The following TDRD3 variants were observed in gnomAD, a reference collection of about 807,000 sequenced individuals.
TDRD3 encodes the protein tudor domain containing 3.
Under a neutral mutation model 86.7 loss-of-function variants are expected in TDRD3, and 45 were observed. The ratio of observed to expected loss-of-function variants is 0.52; its 90% CI spans 0.41 to 0.67. TDRD3 has a LOEUF of 0.67. TDRD3 is among the 30% of genes least tolerant of loss of function. The probability of loss-of-function intolerance (pLI) is 0.00; values close to 1 mark genes in which losing one functional copy is unlikely to be tolerated. For synonymous variants in TDRD3, 298 were observed against 301.7 expected (o/e 0.99, Z 0.13); for missense variants, 814 against 889.0 (o/e 0.92, Z 1.07).
chr13:60,470,151 T>A (rs1168737285), intron 5 of TDRD3, among the ~76,000 whole-genome samples: 1 of 152,254 alleles, frequency 6.6e-6, no homozygotes, highest in Non-Finnish European at 1.5e-5. Flanking sequence ...TTTTTGTGCC[T>A]GACTTATTTC....
intron 1 of TDRD3, among the ~76,000 whole-genome samples, chr13:60,411,818 T>C (rs1334862223): frequency 6.6e-6 from 1 of 152,204 alleles, no homozygotes; most frequent in Non-Finnish European, 1.5e-5. Flanking sequence ...TTTAGTAAGA[T>C]TCTTATTAAA....
At chr13:60,502,100 A>T (rs1956847560) in intron 8 of TDRD3, among the ~76,000 whole-genome samples, 3 of 152,154 alleles carry the variant, frequency 2.0e-5, no homozygotes, top group African/African-American at 7.2e-5. Flanking sequence ...AAGATACAGA[A>T]TTTCCTTTTG....
In TDRD3 at chr13:60,498,460, A is replaced by C. The variant is rs150253060; in HGVS notation, c.858+3885A>C. Among the ~76,000 whole-genome samples the C allele has an allele frequency of 3.0e-3, 454 of 152,240 alleles. 1 individual carries two copies. The highest frequency in any genetic ancestry group is 0.01 in the African/African-American group (434 of 41,566). ...AATCAGAATATTCTGACTTGTGTAG[A>C]GCTCTGGCATTGGCTAATTAATCAT... On this transcript the variant is annotated intron_variant, in intron 8 of 13. Coordinates refer to ENST00000377881, the MANE Select transcript of TDRD3 (RefSeq NM_001146070.2).
intron 12 of TDRD3, among the ~76,000 whole-genome samples, chr13:60,551,430 T>G (rs1263959864): frequency 1.3e-5 from 2 of 152,198 alleles, no homozygotes; most frequent in Non-Finnish European, 2.9e-5. Flanking sequence ...TTTAAGGCTT[T>G]GGAAAGAACA....
chr13:60,521,197 G>A (rs941386635), intron 10 of TDRD3, among the ~76,000 whole-genome samples: 9 of 152,166 alleles, frequency 5.9e-5, no homozygotes, highest in Non-Finnish European at 1.3e-4. Flanking sequence ...AGAAGTAAAA[G>A]TAAAGGAGTA....
chr13:60,446,324 T>C (rs1295602969), intron 3 of TDRD3, among the ~76,000 whole-genome samples: 1 of 151,954 alleles, frequency 6.6e-6, no homozygotes, highest in Non-Finnish European at 1.5e-5. Context: ...CTGGGTTCAG[T>C]TGATTCTCCT....
intron 4 of TDRD3, among the ~76,000 whole-genome samples, chr13:60,461,420 T>C (rs1457986025): frequency 6.6e-6 from 1 of 152,168 alleles, no homozygotes; most frequent in Non-Finnish European, 1.5e-5. Flanking sequence ...AGGGAAATTG[T>C]CCCCTCTATT....
chr13:60,426,641 C>T (rs1954818471), intron 1 of TDRD3, among the ~76,000 whole-genome samples: 1 of 151,912 alleles, frequency 6.6e-6, no homozygotes, highest in African/African-American at 2.4e-5. Context: ...CCAAAGTTGC[C>T]CCCATTAGAG....
At chr13:60,516,418 A>C (rs1408288172) in intron 10 of TDRD3, among the ~76,000 whole-genome samples, 2 of 152,194 alleles carry the variant, frequency 1.3e-5, no homozygotes, top group Non-Finnish European at 2.9e-5. Flanking sequence ...TTATATCTTT[A>C]AATTGGAATA....
In TDRD3 at chr13:60,397,341, C is replaced by A; in HGVS notation, c.-24C>A. On this transcript the variant is annotated 5_prime_UTR_variant, in exon 1 of 14. Coordinates refer to ENST00000377881, the MANE Select transcript of TDRD3 (RefSeq NM_001146070.2). ...CCATCACCCCCACCCCAGCCCCCCA[C>A]CACCCCCGGCCTAAGCAGCTACCAT... 3 of 1,459,024 alleles carry A rather than the reference C, an allele frequency of 2.1e-6. No homozygotes were observed. The highest frequency in any genetic ancestry group is 9.1e-7 in the Non-Finnish European group (1 of 1,100,910). The allele number at this position is 1,459,024 out of a possible 1,614,324, so 90.4% of individuals were successfully genotyped here.
At chr13:60,416,844 TCTC>T (rs1373042144) in intron 1 of TDRD3, among the ~76,000 whole-genome samples, 2 of 152,122 alleles carry the variant, frequency 1.3e-5, no homozygotes, top group African/African-American at 4.8e-5. Flanking sequence ...CTAACACTGT[TCTC>T]CTCATCTTGT....
At chr13:60,536,350 G>A (rs981743271) in intron 12 of TDRD3, 8 of 151,866 alleles carry the variant, frequency 5.3e-5, no homozygotes, top group Non-Finnish European at 8.8e-5. Flanking sequence ...TTAAGAGATC[G>A]TTTCCCTAAC....
chr13:60,510,947 GC>G (rs1957046812), intron 10 of TDRD3, among the ~76,000 whole-genome samples, 192 bp downstream of exon 10: 1 of 151,644 alleles, frequency 6.6e-6, no homozygotes, highest in African/African-American at 2.4e-5. Flanking sequence ...AGCTTATTTT[GC>G]CCCCTAACTG....
chr13:60,517,434 T>C (rs1281558485), intron 10 of TDRD3, among the ~76,000 whole-genome samples: 1 of 152,224 alleles, frequency 6.6e-6, no homozygotes, highest in Non-Finnish European at 1.5e-5. Flanking sequence ...TATATCTTAT[T>C]GCATCAAACA....
chr13:60,408,387 TA>T (rs1214401232), intron 1 of TDRD3, among the ~76,000 whole-genome samples: 9 of 152,270 alleles, frequency 5.9e-5, no homozygotes, highest in Admixed American at 2.0e-4. Context: ...TAGAACTGGG[TA>T]ACAGGCAGAG....
chr13:60,555,102 T>A (rs1386410991), intron 12 of TDRD3, among the ~76,000 whole-genome samples: 1 of 152,130 alleles, frequency 6.6e-6, no homozygotes, highest in African/African-American at 2.4e-5. Context: ...CATACTCCCA[T>A]CAAAAATGAC....
chr13:60,403,335 A>G (rs1954151489), intron 1 of TDRD3, among the ~76,000 whole-genome samples: 1 of 152,228 alleles, frequency 6.6e-6, no homozygotes, highest in Admixed American at 6.5e-5. Context: ...AAATATGACT[A>G]TATCAACTTT....
intron 3 of TDRD3, among the ~76,000 whole-genome samples, 194 bp from the exon 4 acceptor site, chr13:60,460,186 T>A (rs1955773973): frequency 6.6e-6 from 1 of 152,212 alleles, no homozygotes; most frequent in East Asian, 1.9e-4. Flanking sequence ...GAGACCTTTT[T>A]GAAGTTTTCT....
At chr13:60,418,191 G>T (rs1185277729) in intron 1 of TDRD3, among the ~76,000 whole-genome samples, 1 of 152,084 alleles carries the variant, frequency 6.6e-6, no homozygotes, top group Non-Finnish European at 1.5e-5. Context: ...CAACTTGCTT[G>T]TGGGTCTCTT....
Sources: gnomAD v4.1 joint callset for allele counts (sites outside exome capture counted in the v4.1 genomes callset) on GRCh38, gnomAD v4.1.1 for gene constraint, MANE v1.5 for transcripts, NCBI Gene and HGNC (gene_info 2026-07-23, HGNC 2026-07-21) for gene names.